The following DPP10 variants were observed in gnomAD, a reference collection of about 807,000 sequenced individuals.
DPP10 encodes dipeptidyl peptidase like 10, also known as inactive dipeptidyl peptidase 10.
A neutral mutation model predicts 120.9 loss-of-function variants in DPP10; 33 were observed. The observed-to-expected ratio is 0.27, with a 90% CI of 0.21 to 0.37. DPP10 has a LOEUF of 0.37. Among genes scored for constraint, DPP10 ranks in the 10% least tolerant of loss-of-function variants. The pLI is 1.00. For synonymous variants in DPP10, 337 were observed against 326.1 expected, an observed-to-expected ratio of 1.03 and a Z score of -0.36; for missense variants, 816 against 942.8, an observed-to-expected ratio of 0.87 and a Z score of 1.76.
intron 1 of DPP10, among the ~76,000 whole-genome samples, chr2:114,689,163 A>G (rs1051136670): frequency 2.0e-5 from 3 of 151,686 alleles, no homozygotes; most frequent in African/African-American, 7.3e-5. Context: ...GTCTTGCTGC[A>G]CAAATCATCC....
At chr2:115,667,239 A>G (rs2089525339) in intron 5 of DPP10, among the ~76,000 whole-genome samples, 1 of 152,122 alleles carries the variant, frequency 6.6e-6, no homozygotes, top group African/African-American at 2.4e-5. Context: ...TTCCTTATAG[A>G]TTCTGGATAT....
chr2:114,700,228 A>G (rs79212707), intron 1 of DPP10, among the ~76,000 whole-genome samples: 1 of 151,972 alleles, frequency 6.6e-6, no homozygotes, highest in African/African-American at 2.4e-5. Context: ...TTTTTGTTGG[A>G]GAATCAATCA....
chr2:114,853,183 G>T (rs1689103503), intron 1 of DPP10, among the ~76,000 whole-genome samples: 1 of 152,166 alleles, frequency 6.6e-6, no homozygotes, highest in Non-Finnish European at 1.5e-5. Flanking sequence ...TCTCTGGTAA[G>T]GGGCTTGAGT....
intron 3 of DPP10, among the ~76,000 whole-genome samples, chr2:115,472,627 C>T (rs2074805457): frequency 6.6e-6 from 1 of 152,130 alleles, no homozygotes; most frequent in Admixed American, 6.6e-5. Context: ...ATTACAGCAC[C>T]CCTCTTTGTA....
intron 1 of DPP10, among the ~76,000 whole-genome samples, chr2:115,228,461 C>CT (rs2057555500): frequency 6.6e-6 from 1 of 152,080 alleles, no homozygotes; most frequent in Admixed American, 6.6e-5. Context: ...TTCACCCTAT[C>CT]TAACTATATT....
intron 5 of DPP10, among the ~76,000 whole-genome samples, chr2:115,547,006 G>A (rs1374957108): frequency 6.6e-6 from 1 of 152,126 alleles, no homozygotes; most frequent in African/African-American, 2.4e-5. Flanking sequence ...ATCCTTAGAA[G>A]CTATGAGCCT....
At chr2:115,648,766 G>A (rs2087501772) in intron 5 of DPP10, among the ~76,000 whole-genome samples, 1 of 152,138 alleles carries the variant, frequency 6.6e-6, no homozygotes, top group South Asian at 2.1e-4. Context: ...AAGGTGGAGT[G>A]AAGTGAGAGT....
chr2:114,663,567 ATTC>A (rs1408952748), intron 1 of DPP10, among the ~76,000 whole-genome samples: 3 of 148,970 alleles, frequency 2.0e-5, no homozygotes, highest in African/African-American at 2.5e-5. Context: ...CCCTGTCATT[ATTC>A]TTCTTTTGTA....
In DPP10 at chr2:114,744,715, A is replaced by G. The variant is rs182220250; in HGVS notation, c.60+301877A>G. Reference sequence around the variant, plus strand: ...ACAGTTCTTTGGCTGCTTTTGCACTATAAGGGCAGAGATGAGAACCTGTAA... The same window carrying G: ...ACAGTTCTTTGGCTGCTTTTGCACTGTAAGGGCAGAGATGAGAACCTGTAA... On this transcript the variant is annotated intron_variant, in intron 1 of 25. Coordinates refer to ENST00000410059, the MANE Select transcript of DPP10 (RefSeq NM_020868.6). Among the ~76,000 whole-genome samples the G allele has an allele frequency of 3.3e-3, 509 of 152,288 alleles. 13 individuals carry two copies. The highest frequency in any genetic ancestry group is 0.025 in the Admixed American group (386 of 15,288).
At chr2:114,574,522 TG>T (rs765853858) in intron 1 of DPP10, among the ~76,000 whole-genome samples, 2 of 152,338 alleles carry the variant, frequency 1.3e-5, no homozygotes, top group Non-Finnish European at 2.9e-5. Context: ...GAAAGGTAGC[TG>T]GTTAACATTG....
chr2:115,245,647 G>T (rs1365636445), intron 1 of DPP10, among the ~76,000 whole-genome samples: 2 of 152,004 alleles, frequency 1.3e-5, no homozygotes, highest in Non-Finnish European at 1.5e-5. Flanking sequence ...CAGAAGAAAA[G>T]AAGTCATTAT....
chr2:114,958,740 T>TA (rs745822146), intron 1 of DPP10, among the ~76,000 whole-genome samples: 81 of 152,346 alleles, frequency 5.3e-4, no homozygotes, highest in Non-Finnish European at 1.0e-3. Context: ...AATATTGGTA[T>TA]ATTAGAATAG....
At chr2:115,085,462 G>T (rs1708614080) in intron 1 of DPP10, among the ~76,000 whole-genome samples, 2 of 152,268 alleles carry the variant, frequency 1.3e-5, no homozygotes, top group Non-Finnish European at 2.9e-5. Flanking sequence ...TTTCTACCCA[G>T]TTGTTCCCAA....
intron 5 of DPP10, among the ~76,000 whole-genome samples, chr2:115,640,482 A>G (rs2086693757): frequency 6.6e-6 from 1 of 151,834 alleles, no homozygotes; most frequent in African/African-American, 2.4e-5. Flanking sequence ...AAAAAAAACG[A>G]CATCTTGATC....
At chr2:114,985,116 A>G (rs1700316446) in intron 1 of DPP10, among the ~76,000 whole-genome samples, 1 of 152,120 alleles carries the variant, frequency 6.6e-6, no homozygotes, top group Non-Finnish European at 1.5e-5. Flanking sequence ...CTCTAACTCC[A>G]TCTCATCTCT....
chr2:115,076,649 TGA>T (rs916474826), intron 1 of DPP10, among the ~76,000 whole-genome samples: 2 of 152,208 alleles, frequency 1.3e-5, no homozygotes, highest in African/African-American at 4.8e-5. Flanking sequence ...AATATTTTTT[TGA>T]GTTTTCTCTA....
intron 5 of DPP10, among the ~76,000 whole-genome samples, chr2:115,650,966 T>TC (rs112433733): frequency 2.6e-5 from 4 of 152,168 alleles, no homozygotes; most frequent in African/African-American, 9.6e-5. Flanking sequence ...AAGTGATCTC[T>TC]CCTCTTCAAG....
At chr2:115,147,009 A>C (rs913982710) in intron 1 of DPP10, among the ~76,000 whole-genome samples, 9 of 152,160 alleles carry the variant, frequency 5.9e-5, no homozygotes, top group African/African-American at 1.9e-4. Flanking sequence ...GGACTAAGAT[A>C]TACTTTGTGC....
chr2:114,445,677 A>T (rs1048129951), intron 1 of DPP10, among the ~76,000 whole-genome samples: 1 of 151,966 alleles, frequency 6.6e-6, no homozygotes. Flanking sequence ...ATGATGTGTC[A>T]GAGTTGGAAA....
Sources: gnomAD v4.1 joint callset for allele counts (sites outside exome capture counted in the v4.1 genomes callset) on GRCh38, gnomAD v4.1.1 for gene constraint, MANE v1.5 for transcripts, NCBI Gene and HGNC (gene_info 2026-07-23, HGNC 2026-07-21) for gene names.